Variants in FHIT observed in about 807,000 individuals in gnomAD.
FHIT encodes the protein bis(5'-adenosyl)-triphosphatase.
FHIT carries 19 observed loss-of-function variants against 17.9 expected under a neutral mutation model. The observed-to-expected ratio is 1.06, with a 90% CI of 0.74 to 1.56. FHIT has a LOEUF of 1.56. Ranked by LOEUF, FHIT falls within the 40% of genes most tolerant of loss-of-function variation. FHIT has a pLI of 0.00. For synonymous variants in FHIT, 81 were observed against 69.7 expected, an observed-to-expected ratio of 1.16 and a Z score of -0.81; for missense variants, 248 against 189.2, an observed-to-expected ratio of 1.31 and a Z score of -1.82.
chr3:60,141,190 T>C (rs944728131), intron 5 of FHIT, among the ~76,000 whole-genome samples: 3 of 151,994 alleles, frequency 2.0e-5, no homozygotes, highest in Non-Finnish European at 2.9e-5. Flanking sequence ...TTAAGAGAAT[T>C]AAAACATAAT....
chr3:60,822,740 G>A (rs975874464), intron 3 of FHIT, among the ~76,000 whole-genome samples: 2 of 152,012 alleles, frequency 1.3e-5, no homozygotes, highest in Non-Finnish European at 2.9e-5. Context: ...CATGTTAGAT[G>A]CTAGGGCAAA....
chr3:60,302,075 A>G (rs1457465840), intron 5 of FHIT, among the ~76,000 whole-genome samples: 4 of 152,188 alleles, frequency 2.6e-5, no homozygotes, highest in South Asian at 4.1e-4. Context: ...TGCTTTTTAA[A>G]AAGAAGTATC....
In FHIT at chr3:59,989,043, G is replaced by A. The variant is rs150880128; in HGVS notation, c.279+22328C>T. The stretch of plus-strand genomic sequence containing the variant: ...AGCAGTTTGGGGTAGGGATGATGGA[G>A]GTCTGGCCATTAGACTCAGGCTTTA... On this transcript the variant is annotated intron_variant, in intron 7 of 9. Transcript: ENST00000492590. 2.1e-3 allele frequency among the ~76,000 whole-genome samples: 313 copies of A among 152,140 alleles called. 5 individuals are homozygous for A. Among genetic ancestry groups the A allele is most frequent in the Admixed American group, 0.013 (200 of 15,250 alleles).
chr3:60,860,356 C>T (rs1035766784), intron 3 of FHIT, among the ~76,000 whole-genome samples: 39 of 138,486 alleles, frequency 2.8e-4, no homozygotes, highest in African/African-American at 1.1e-3. Flanking sequence ...CATATGTATA[C>T]ATGACATACA....
At chr3:60,573,684 C>G (rs1373801027) in intron 4 of FHIT, among the ~76,000 whole-genome samples, 1 of 152,172 alleles carries the variant, frequency 6.6e-6, no homozygotes, top group Non-Finnish European at 1.5e-5. Flanking sequence ...CCGTTCAAGG[C>G]TGGGTGAGAG....
At chr3:60,006,124 C>G (rs1410372552) in intron 7 of FHIT, among the ~76,000 whole-genome samples, 1 of 152,136 alleles carries the variant, frequency 6.6e-6, no homozygotes, top group East Asian at 1.9e-4. Context: ...CGATTTGTAA[C>G]CGCGACTTAC....
At chr3:60,857,643 A>T (rs1484604646) in intron 3 of FHIT, among the ~76,000 whole-genome samples, 1 of 152,204 alleles carries the variant, frequency 6.6e-6, no homozygotes, top group East Asian at 1.9e-4. Context: ...ATATAAACAC[A>T]ACTGCTCCTG....
chr3:59,858,427 C>T (rs1410815252), intron 8 of FHIT, among the ~76,000 whole-genome samples: 9 of 151,888 alleles, frequency 5.9e-5, no homozygotes, highest in Non-Finnish European at 1.2e-4. Context: ...GGGGTTTCAC[C>T]ATGTTGGCCA....
chr3:60,097,831 A>C (rs9829898), intron 5 of FHIT, among the ~76,000 whole-genome samples: 1 of 138,746 alleles, frequency 7.2e-6, no homozygotes, highest in African/African-American at 2.6e-5. Context: ...ATCATTTAGC[A>C]TTAGGTATAT....
At chr3:59,834,257 T>C (rs751084969) in intron 8 of FHIT, among the ~76,000 whole-genome samples, 10 of 152,164 alleles carry the variant, frequency 6.6e-5, no homozygotes, top group Non-Finnish European at 1.5e-4. Flanking sequence ...GAAAAATCCA[T>C]TGTTTCATTC....
intron 5 of FHIT, among the ~76,000 whole-genome samples, chr3:60,358,960 T>C (rs754825431): frequency 1.3e-5 from 2 of 152,188 alleles, no homozygotes; most frequent in African/African-American, 2.4e-5. Flanking sequence ...TCTTTGTCTA[T>C]AGGAGGTGTT....
chr3:60,039,840 G>A (rs949341981), intron 5 of FHIT, among the ~76,000 whole-genome samples: 1 of 152,070 alleles, frequency 6.6e-6, no homozygotes. Context: ...TCTTAACTTT[G>A]GCAAAGTAAT....
intron 3 of FHIT, among the ~76,000 whole-genome samples, chr3:61,002,548 C>A (rs973953390): frequency 3.9e-5 from 6 of 152,188 alleles, no homozygotes; most frequent in African/African-American, 1.4e-4. Flanking sequence ...CAGGCATGAG[C>A]CACAGGCATT....
chr3:61,171,295 G>C (rs1204155501), intron 2 of FHIT, among the ~76,000 whole-genome samples: 1 of 151,944 alleles, frequency 6.6e-6, no homozygotes, highest in Non-Finnish European at 1.5e-5. Flanking sequence ...CTTTTTTATG[G>C]GGTTCATTTT....
At chr3:61,191,081 TA>T (rs368222463) in intron 2 of FHIT, among the ~76,000 whole-genome samples, 6,961 of 148,736 alleles carry the variant, frequency 0.047, 505 homozygotes, top group East Asian at 0.27. Flanking sequence ...TAAAGTATAA[TA>T]AAAAAAAAAT....
chr3:60,859,602 G>A, intron 3 of FHIT, among the ~76,000 whole-genome samples: 1 of 151,844 alleles, frequency 6.6e-6, no homozygotes, highest in East Asian at 1.9e-4. Context: ...CCCTTCTCAG[G>A]CACCCTGAAG....
chr3:60,195,583 A>C (rs1490540454), intron 5 of FHIT, among the ~76,000 whole-genome samples: 4 of 134,496 alleles, frequency 3.0e-5, no homozygotes, highest in Non-Finnish European at 3.2e-5. Context: ...AATTATATTT[A>C]TATTTATATA....
At chr3:60,636,228 G>C (rs1164444201) in intron 4 of FHIT, among the ~76,000 whole-genome samples, 1 of 151,994 alleles carries the variant, frequency 6.6e-6, no homozygotes, top group African/African-American at 2.4e-5. Context: ...GCACCACCAC[G>C]CCTAGCTAAT....
intron 4 of FHIT, among the ~76,000 whole-genome samples, chr3:60,788,443 C>T (rs1001372455): frequency 1.3e-5 from 2 of 152,156 alleles, no homozygotes; most frequent in East Asian, 1.9e-4. Flanking sequence ...TATATATATA[C>T]ATAGAATGTA....
Sources: gnomAD v4.1 joint callset for allele counts (sites outside exome capture counted in the v4.1 genomes callset) on GRCh38, gnomAD v4.1.1 for gene constraint, MANE v1.5 for transcripts, NCBI Gene and HGNC (gene_info 2026-07-23, HGNC 2026-07-21) for gene names.